Variants in UNC79 observed in about 807,000 individuals in gnomAD.
UNC79 encodes the protein unc-79 subunit of NALCN channel complex, also known as protein unc-79 homolog.
In UNC79, 37 loss-of-function variants were observed where a neutral mutation model predicts 283.1. That is an observed-to-expected ratio of 0.13 (90% CI 0.10 to 0.17). The LOEUF (loss-of-function observed/expected upper bound fraction) is 0.17. Among genes scored for constraint, UNC79 ranks in the 10% least tolerant of loss-of-function variants. The pLI is 1.00. For synonymous variants in UNC79, 1,107 were observed against 1,200.2 expected (o/e 0.92, Z 1.61); for missense variants, 2,272 against 3,211.1 (o/e 0.71, Z 7.07).
Position 93,405,176 on chromosome 14 carries a change from G to C in UNC79, c.-350-62495G>C, listed in dbSNP as rs546670607. ...CGGGCACCTGTAATCCCAGCTACTC[G>C]GGAGGCTGAGGTAGGAAAATCGCTT... On this transcript the variant is annotated intron_variant, in intron 1 of 49. Coordinates refer to the UNC79 transcript ENST00000256339. Among the ~76,000 whole-genome samples the C allele has an allele frequency of 2.0e-5, 3 of 151,760 alleles. No homozygotes were observed. In the East Asian group the frequency reaches 5.8e-4, roughly 29 times the overall value.
intron 12 of UNC79, among the ~76,000 whole-genome samples, chr14:93,538,698 T>G (rs964037318): frequency 1.8e-4 from 27 of 147,842 alleles, no homozygotes; most frequent in Non-Finnish European, 3.6e-4. Flanking sequence ...GCGGGACAAC[T>G]CCAAGTAATT....
At chr14:93,581,215 T>C (rs2063777776) in intron 19 of UNC79, among the ~76,000 whole-genome samples, 1 of 152,008 alleles carries the variant, frequency 6.6e-6, no homozygotes, top group South Asian at 2.1e-4. Context: ...AGGGTCTTGC[T>C]CTGTCACCCA....
At chr14:93,372,825 C>CT (rs1170120679) in intron 1 of UNC79, among the ~76,000 whole-genome samples, 2 of 152,208 alleles carry the variant, frequency 1.3e-5, no homozygotes, top group Non-Finnish European at 2.9e-5. Context: ...ATGTAATGGT[C>CT]ATCTATAGAC....
At chr14:93,568,678 A>G (rs923524997) in intron 14 of UNC79, among the ~76,000 whole-genome samples, 1 of 148,638 alleles carries the variant, frequency 6.7e-6, no homozygotes, top group Non-Finnish European at 1.5e-5. Context: ...TCTCAAAAAA[A>G]TAAAATAAAT....
At chr14:93,622,199 G>C (rs1293197005) in exon 30 of UNC79, 2 of 1,614,160 alleles carry the variant, frequency 1.2e-6, no homozygotes, top group Non-Finnish European at 1.7e-6. Context: ...GAACCAAGGC[G>C]ATGACGGCCC....
chr14:93,538,804 C>A (rs867141974), intron 12 of UNC79, among the ~76,000 whole-genome samples: 859 of 111,188 alleles, frequency 7.7e-3, no homozygotes, highest in Non-Finnish European at 7.9e-3. Flanking sequence ...ATCACATGAC[C>A]AAAAAAAAAA....
At chr14:93,682,000 C>T (rs889812218) in intron 41 of UNC79, among the ~76,000 whole-genome samples, 2 of 152,176 alleles carry the variant, frequency 1.3e-5, no homozygotes, top group African/African-American at 4.8e-5. Flanking sequence ...TCTTGAAGAG[C>T]TCACAGCAGG....
At chr14:93,590,428 C>T (rs527736239) in intron 22 of UNC79, among the ~76,000 whole-genome samples, 16 of 152,152 alleles carry the variant, frequency 1.1e-4, no homozygotes, top group Middle Eastern at 6.8e-3. Flanking sequence ...GTGTGAAGTT[C>T]GAGACCATCA....
intron 35 of UNC79, among the ~76,000 whole-genome samples, chr14:93,653,343 AT>A (rs201319381): frequency 9.5e-5 from 14 of 146,944 alleles, no homozygotes; most frequent in East Asian, 2.0e-4. Context: ...ATATATATGA[AT>A]TTTTTTTTCC....
At chr14:93,568,900 G>T (rs2063058820) in intron 14 of UNC79, among the ~76,000 whole-genome samples, 1 of 152,140 alleles carries the variant, frequency 6.6e-6, no homozygotes, top group Non-Finnish European at 1.5e-5. Flanking sequence ...ATCTCATAGA[G>T]GCTGTGGCTC....
intron 1 of UNC79, among the ~76,000 whole-genome samples, chr14:93,461,126 G>A (rs1006381521): frequency 1.3e-5 from 2 of 152,260 alleles, no homozygotes; most frequent in African/African-American, 4.8e-5. Flanking sequence ...AGGATAACAT[G>A]CCAAAATGTT....
intron 7 of UNC79, among the ~76,000 whole-genome samples, chr14:93,513,679 G>A (rs8019047): frequency 3.3e-5 from 5 of 152,070 alleles, no homozygotes; most frequent in Non-Finnish European, 5.9e-5. Context: ...ATTTCAAGTC[G>A]TCTCTTCTAG....
At chr14:93,660,551 ATATATATATATATGTGTG>A (rs2071452728) in intron 39 of UNC79, among the ~76,000 whole-genome samples, 5 of 118,432 alleles carry the variant, frequency 4.2e-5, no homozygotes, top group African/African-American at 2.0e-4. Context: ...ATATATATAT[ATATATATATATATGTGTG>A]TGTGTGTGTG....
intron 14 of UNC79, among the ~76,000 whole-genome samples, chr14:93,569,997 A>G (rs1015918281): frequency 6.6e-6 from 1 of 152,030 alleles, no homozygotes; most frequent in Non-Finnish European, 1.5e-5. Context: ...CCCAGGCTGG[A>G]GTATAGTAGC....
intron 22 of UNC79, among the ~76,000 whole-genome samples, 171 bp downstream of exon 22, chr14:93,587,079 C>T (rs897707824): frequency 1.1e-4 from 16 of 151,914 alleles, no homozygotes; most frequent in African/African-American, 3.6e-4. Context: ...TTTAAAAGTA[C>T]GTTAATACAA....
chr14:93,482,990 A>G (rs1055131142), intron 4 of UNC79, among the ~76,000 whole-genome samples: 1 of 151,844 alleles, frequency 6.6e-6, no homozygotes, highest in East Asian at 1.9e-4. Context: ...CCTTGTCTTC[A>G]CTCTGCTCCA....
At chr14:93,602,752 C>T (rs2065604509) in intron 25 of UNC79, among the ~76,000 whole-genome samples, 1 of 152,134 alleles carries the variant, frequency 6.6e-6, no homozygotes, top group Non-Finnish European at 1.5e-5. Flanking sequence ...GCAGTCCTCC[C>T]AGCTAATCTT....
chr14:93,361,618 A>G (rs1220220405), intron 1 of UNC79, among the ~76,000 whole-genome samples: 5 of 151,156 alleles, frequency 3.3e-5, no homozygotes, highest in African/African-American at 1.2e-4. Flanking sequence ...GGTTTTCTAG[A>G]TATAGGATCA....
chr14:93,433,761 A>G (rs2055971276), intron 1 of UNC79, among the ~76,000 whole-genome samples: 1 of 152,224 alleles, frequency 6.6e-6, no homozygotes, highest in Admixed American at 6.5e-5. Flanking sequence ...TGACAAGTAG[A>G]CATAGTTTTG....
Sources: allele counts gnomAD v4.1 joint callset (sites outside exome capture counted in the v4.1 genomes callset), GRCh38; gene constraint gnomAD v4.1.1; transcripts MANE v1.5; gene names NCBI Gene and HGNC (gene_info 2026-07-23, HGNC 2026-07-21).